Variants in CSMD1 observed in about 807,000 individuals in gnomAD.
CSMD1 encodes the protein CUB and sushi domain-containing protein 1.
A neutral mutation model predicts 417.5 loss-of-function variants in CSMD1; 213 were observed. The observed-to-expected ratio is 0.51, with a 90% CI of 0.46 to 0.57. The LOEUF is 0.57. Ranked by LOEUF, CSMD1 falls within the 20% of genes least tolerant of loss-of-function variation. CSMD1 has a pLI of 0.00. For missense variants in CSMD1, 6,923 were observed against 4,529.7 expected (o/e 1.53, Z -15.17); for synonymous variants, 2,862 against 1,736.8 (o/e 1.65, Z -16.11).
At chr8:4,702,317 G>A (rs946964515) in intron 1 of CSMD1, among the ~76,000 whole-genome samples, 5 of 152,138 alleles carry the variant, frequency 3.3e-5, no homozygotes, top group Non-Finnish European at 4.4e-5. Flanking sequence ...ATGGCCATGG[G>A]CCTCTGACTG....
chr8:4,194,162 A>G (rs189026404), intron 3 of CSMD1, among the ~76,000 whole-genome samples: 3 of 152,304 alleles, frequency 2.0e-5, no homozygotes, highest in Admixed American at 2.0e-4. Context: ...CAATTAAAAT[A>G]TTGCCCTATC....
At chr8:3,958,917 T>A (rs1812143826) in intron 5 of CSMD1, among the ~76,000 whole-genome samples, 1 of 152,184 alleles carries the variant, frequency 6.6e-6, no homozygotes, top group Non-Finnish European at 1.5e-5. Context: ...TAATATACAA[T>A]CATTTGTGCA....
At chr8:3,429,069 T>A (rs183011242) in intron 12 of CSMD1, among the ~76,000 whole-genome samples, 1 of 152,206 alleles carries the variant, frequency 6.6e-6, no homozygotes, top group East Asian at 1.9e-4. Flanking sequence ...AGAGATGAGT[T>A]AACAGGTGCA....
At chr8:4,822,564 A>C (rs1799581100) in intron 1 of CSMD1, among the ~76,000 whole-genome samples, 2 of 152,010 alleles carry the variant, frequency 1.3e-5, no homozygotes, top group African/African-American at 4.8e-5. Context: ...GTGCAGGAAA[A>C]ATTTTTACAT....
At chr8:3,892,809 G>C (rs1051352465) in intron 5 of CSMD1, among the ~76,000 whole-genome samples, 1 of 149,638 alleles carries the variant, frequency 6.7e-6, no homozygotes, top group Non-Finnish European at 1.5e-5. Context: ...GTGAACTCAG[G>C]TGAGCCATGA....
At chr8:3,664,249 G>C (rs933101094) in intron 7 of CSMD1, among the ~76,000 whole-genome samples, 2 of 152,018 alleles carry the variant, frequency 1.3e-5, no homozygotes, top group African/African-American at 4.8e-5. Flanking sequence ...TGTTCTCATT[G>C]TTCAATTCCC....
At chr8:3,577,169 C>T (rs1393192029) in intron 9 of CSMD1, among the ~76,000 whole-genome samples, 1 of 152,198 alleles carries the variant, frequency 6.6e-6, no homozygotes, top group Non-Finnish European at 1.5e-5. Flanking sequence ...TCCTAGGTGC[C>T]TGCTGTGAAG....
chr8:4,960,201 T>C (rs554519318), intron 1 of CSMD1, among the ~76,000 whole-genome samples: 1 of 152,170 alleles, frequency 6.6e-6, no homozygotes, highest in Non-Finnish European at 1.5e-5. Context: ...TCTCAGGAAA[T>C]CTTGATCTAG....
At chr8:4,163,495 C>G (rs4492398) in intron 3 of CSMD1, among the ~76,000 whole-genome samples, 1 of 151,906 alleles carries the variant, frequency 6.6e-6, no homozygotes, top group African/African-American at 2.4e-5. Flanking sequence ...TATCCTTCAA[C>G]TCACAGTACA....
intron 2 of CSMD1, among the ~76,000 whole-genome samples, chr8:4,459,717 A>C (rs781363685): frequency 2.6e-5 from 4 of 152,206 alleles, no homozygotes; most frequent in Non-Finnish European, 5.9e-5. Context: ...GTTCAGAAAT[A>C]ATGAAGCAAT....
intron 5 of CSMD1, among the ~76,000 whole-genome samples, chr8:3,906,196 C>T (rs1050301032): frequency 6.6e-6 from 1 of 152,008 alleles, no homozygotes. Flanking sequence ...GTAAGTGAAT[C>T]ACAAGTGCTT....
chr8:4,259,801 AT>A (rs1434165772), intron 3 of CSMD1, among the ~76,000 whole-genome samples: 1 of 152,226 alleles, frequency 6.6e-6, no homozygotes, highest in Non-Finnish European at 1.5e-5. Flanking sequence ...TGTAAATAAT[AT>A]AAAGCTATTA....
In CSMD1 at chr8:3,920,132, C is replaced by G. The variant is rs551744817; in HGVS notation, c.818+77771G>C. Among the ~76,000 whole-genome samples, 401 of 152,212 alleles carry G rather than the reference C, an allele frequency of 2.6e-3. 1 individual carries two copies. The highest frequency in any genetic ancestry group is 7.3e-3 in the African/African-American group (302 of 41,532). ...CACTGAAGTCATGACTTTCCACACTCAGGTGATCTTCCTGCCTTAGTCTTC... is the reference window on the plus strand; with the variant it reads ...CACTGAAGTCATGACTTTCCACACTGAGGTGATCTTCCTGCCTTAGTCTTC... On this transcript the variant is annotated intron_variant, in intron 5 of 69. Transcript: ENST00000635120.
At chr8:3,516,134 T>C (rs1224532634) in intron 10 of CSMD1, among the ~76,000 whole-genome samples, 2 of 152,232 alleles carry the variant, frequency 1.3e-5, no homozygotes, top group African/African-American at 2.4e-5. Context: ...GAACAGAATG[T>C]AAATCTATGC....
At chr8:3,554,649 C>G (rs1384989585) in intron 10 of CSMD1, among the ~76,000 whole-genome samples, 2 of 152,228 alleles carry the variant, frequency 1.3e-5, no homozygotes, top group East Asian at 3.9e-4. Context: ...CCATGAATGG[C>G]AGCACCTTAG....
chr8:3,071,141 T>C (rs1341178559), intron 49 of CSMD1, among the ~76,000 whole-genome samples: 1 of 152,130 alleles, frequency 6.6e-6, no homozygotes, highest in Middle Eastern at 3.2e-3. Flanking sequence ...CCATGAAGGA[T>C]CCACCCGCTT....
chr8:4,054,690 T>C lies in CSMD1; in HGVS notation c.416-22591A>G, dbSNP rs1029829701. ...TCTCATAGGACATTAGCTGAATACA[T>C]GTGAATTCCTGAGGGTGCCCAGAGG... On this transcript the variant is annotated intron_variant, in intron 3 of 69. Coordinates refer to ENST00000635120, the MANE Select transcript of CSMD1 (RefSeq NM_033225.6). 2.0e-5 allele frequency among the ~76,000 whole-genome samples: 3 copies of C among 152,116 alleles called. No individual in the cohort carries two copies. The East Asian group carries it at 5.8e-4, about 29-fold the overall frequency.
Position 3,018,517 on chromosome 8 carries a change from C to T in CSMD1, c.7989G>A (p.Leu2663=), listed in dbSNP as rs544558465. The T allele has an allele frequency of 1.9e-6, 3 of 1,613,656 alleles. No individual in the cohort carries two copies. Among genetic ancestry groups the T allele is most frequent in the African/African-American group, 2.7e-5 (2 of 74,974 alleles). The change falls in exon 52 of 70, where the codon TTG becomes TTA. Residue 2663 remains leucine (L), a synonymous_variant. Coordinates refer to ENST00000635120, the MANE Select transcript of CSMD1 (RefSeq NM_033225.6). ...CGCTGCCGCTCCAGAGCCCATTTGC[C>T]AAGCACTCTCTGACATGAGACCCCA... ...TLVGSHVREC[L]ANGLWSGSET...
chr8:3,480,727 G>C (rs543310447), intron 11 of CSMD1, among the ~76,000 whole-genome samples: 1 of 152,106 alleles, frequency 6.6e-6, no homozygotes, highest in East Asian at 1.9e-4. Flanking sequence ...CAATGACAAT[G>C]ATTTTCCCAT....
Sources: gnomAD v4.1 joint callset for allele counts (sites outside exome capture counted in the v4.1 genomes callset) on GRCh38, gnomAD v4.1.1 for gene constraint, MANE v1.5 for transcripts, NCBI Gene and HGNC (gene_info 2026-07-23, HGNC 2026-07-21) for gene names.